SV2C: variants seen among roughly 807,000 people sequenced by gnomAD.
The protein encoded by SV2C is solute carrier family 22 member B3.
In SV2C, 49 loss-of-function variants were observed where a neutral mutation model predicts 79.7. The ratio of observed to expected loss-of-function variants is 0.61; its 90% confidence interval spans 0.49 to 0.78. SV2C has a LOEUF of 0.78. SV2C is among the 30% of genes least tolerant of loss of function. The pLI, the probability that SV2C is intolerant of heterozygous loss-of-function variation, is 0.00. For missense variants in SV2C, 833 were observed against 912.9 expected (o/e 0.91, Z 1.13); for synonymous variants, 334 against 333.2 (o/e 1.00, Z -0.03).
At chr5:75,963,168 A>C in the SV2C span, among the ~76,000 whole-genome samples, 1 of 152,128 alleles carries the variant, frequency 6.6e-6, no homozygotes, top group African/African-American at 2.4e-5. Flanking sequence ...ATATCATCCA[A>C]AACATCCTAC....
chr5:76,221,877 G>T (rs1424648137), intron 4 of SV2C, among the ~76,000 whole-genome samples: 1 of 152,128 alleles, frequency 6.6e-6, no homozygotes, highest in African/African-American at 2.4e-5. Flanking sequence ...GTAAATAAAA[G>T]TAGTAACATT....
chr5:76,043,887 T>G, the SV2C span, among the ~76,000 whole-genome samples: 1 of 152,138 alleles, frequency 6.6e-6, no homozygotes, highest in Non-Finnish European at 1.5e-5. Flanking sequence ...CCTTATTTCA[T>G]TTTTCTTTTT....
intron 5 of SV2C, 126 bp from the exon 6 acceptor site, chr5:76,285,655 G>T: frequency 1.4e-6 from 1 of 728,300 alleles, no homozygotes; most frequent in Non-Finnish European, 2.3e-6. Flanking sequence ...TGTTCCAATG[G>T]GATGTACTGA....
chr5:75,879,257 A>G, the SV2C span, among the ~76,000 whole-genome samples: 7 of 152,306 alleles, frequency 4.6e-5, no homozygotes, highest in African/African-American at 1.4e-4. Flanking sequence ...GCAAAATGCA[A>G]GAATCTCTTC....
the SV2C span, among the ~76,000 whole-genome samples, chr5:76,069,256 C>T: frequency 6.6e-6 from 1 of 152,170 alleles, no homozygotes; most frequent in Non-Finnish European, 1.5e-5. Context: ...ACAGGGGCTG[C>T]CTCCCCTTCC....
chr5:76,319,824 G>A (rs1748767505), intron 12 of SV2C, among the ~76,000 whole-genome samples: 1 of 152,138 alleles, frequency 6.6e-6, no homozygotes, highest in South Asian at 2.1e-4. Flanking sequence ...TTTTAACCTA[G>A]ATGCAAATCC....
the SV2C span, among the ~76,000 whole-genome samples, chr5:76,046,986 T>A: frequency 6.6e-6 from 1 of 152,278 alleles, no homozygotes; most frequent in Admixed American, 6.5e-5. Flanking sequence ...AGTGCTTACA[T>A]GCATTTCCTG....
intron 1 of SV2C, among the ~76,000 whole-genome samples, chr5:76,122,676 G>T (rs571422191): frequency 6.6e-6 from 1 of 151,716 alleles, no homozygotes; most frequent in African/African-American, 2.4e-5. Context: ...TGAAACCAAC[G>T]AGAACAAAGA....
At chr5:75,918,852 A>T in the SV2C span, among the ~76,000 whole-genome samples, 6 of 152,326 alleles carry the variant, frequency 3.9e-5, no homozygotes, top group East Asian at 5.8e-4. Context: ...TAACCAGCAC[A>T]TTTTTGTAAC....
At chr5:75,935,622 T>G in the SV2C span, among the ~76,000 whole-genome samples, 1 of 152,202 alleles carries the variant, frequency 6.6e-6, no homozygotes, top group Non-Finnish European at 1.5e-5. Context: ...AAGACATAAA[T>G]GTACTGACAA....
chr5:76,324,479 T>C (rs971488208), intron 12 of SV2C, among the ~76,000 whole-genome samples: 15 of 152,188 alleles, frequency 9.9e-5, no homozygotes, highest in Admixed American at 1.3e-4. Flanking sequence ...CTCTCTCTAA[T>C]GAACTGCGCT....
At chr5:75,874,952 G>A in the SV2C span, among the ~76,000 whole-genome samples, 2 of 152,166 alleles carry the variant, frequency 1.3e-5, no homozygotes, top group African/African-American at 2.4e-5. Context: ...TGGATAGGAA[G>A]AGCCAATATT....
chr5:75,910,614 T>G, the SV2C span: 2 of 795,926 alleles, frequency 2.5e-6, no homozygotes, highest in East Asian at 5.3e-5. Context: ...TGAAAACTTG[T>G]GGATTATGAT....
At chr5:76,010,577 G>C in the SV2C span, among the ~76,000 whole-genome samples, 1 of 151,734 alleles carries the variant, frequency 6.6e-6, no homozygotes, top group Non-Finnish European at 1.5e-5. Flanking sequence ...ATCAACTTTT[G>C]GGGAAAAAAG....
chr5:75,934,314 T>TTTTTTTTTTTTTTTTG, the SV2C span, among the ~76,000 whole-genome samples: 1 of 145,928 alleles, frequency 6.9e-6, no homozygotes, highest in African/African-American at 2.6e-5. Context: ...TTTTTTTTTT[T>TTTTTTTTTTTTTTTTG]TTTTTCACTG....
the SV2C span, among the ~76,000 whole-genome samples, chr5:75,956,398 G>A: frequency 8.3e-6 from 1 of 119,872 alleles, no homozygotes; most frequent in Non-Finnish European, 1.7e-5. Context: ...GACTGTTGTG[G>A]GGTGGGGGGA....
chr5:76,199,094 T>C (rs1384415331), intron 3 of SV2C, among the ~76,000 whole-genome samples: 1 of 152,194 alleles, frequency 6.6e-6, no homozygotes, highest in Non-Finnish European at 1.5e-5. Context: ...AACCCTTCAT[T>C]CCTATTACTT....
At chr5:75,847,508 G>C in the SV2C span, among the ~76,000 whole-genome samples, 2 of 152,220 alleles carry the variant, frequency 1.3e-5, no homozygotes, top group African/African-American at 4.8e-5. Flanking sequence ...TTAAAAGGTA[G>C]ACTTCAGTGG....
chr5:76,242,349 C>T, intron 4 of SV2C: 1 of 1,387,974 alleles, frequency 7.2e-7, no homozygotes, highest in Non-Finnish European at 1.0e-6. Flanking sequence ...GACGCAGCGG[C>T]GCGCGGGCTT....
Sources: gnomAD v4.1 joint callset for allele counts (sites outside exome capture counted in the v4.1 genomes callset) on GRCh38, gnomAD v4.1.1 for gene constraint, MANE v1.5 for transcripts, NCBI Gene and HGNC (gene_info 2026-07-23, HGNC 2026-07-21) for gene names.